XKR4: variants seen among roughly 807,000 people sequenced by gnomAD.
XKR4 encodes the protein XK related 4.
In XKR4, 12 loss-of-function variants were observed where a neutral mutation model predicts 53.9. The observed-to-expected ratio is 0.22, with a 90% CI of 0.14 to 0.36. XKR4 has a LOEUF of 0.36. XKR4 is among the 10% of genes least tolerant of loss of function. The pLI, the probability that XKR4 is intolerant of heterozygous loss-of-function variation, is 1.00. For missense variants in XKR4, 799 were observed against 859.5 expected, an observed-to-expected ratio of 0.93 and a Z score of 0.88; for synonymous variants, 354 against 362.4, an observed-to-expected ratio of 0.98 and a Z score of 0.26.
At chr8:55,143,902 A>T (rs1040847251) in intron 1 of XKR4, among the ~76,000 whole-genome samples, 1 of 152,246 alleles carries the variant, frequency 6.6e-6, no homozygotes, top group Non-Finnish European at 1.5e-5. Flanking sequence ...CTCTACACAC[A>T]GTAATTTTGC....
chr8:55,400,226 A>G (rs1010492138), intron 2 of XKR4, among the ~76,000 whole-genome samples: 1 of 152,222 alleles, frequency 6.6e-6, no homozygotes, highest in African/African-American at 2.4e-5. Flanking sequence ...TGTTAGACCT[A>G]AAATCCTCTA....
In XKR4 at chr8:55,191,310, T is replaced by C. The variant is rs531462972; in HGVS notation, c.806+88016T>C. ...CTTGAAATGCATTCTACAGCAGGGA[T>C]TGCAGAGTGGCCAGCCTTCTCTATG... On this transcript the variant is annotated intron_variant, in intron 1 of 2. Transcript: ENST00000327381. Among the ~76,000 whole-genome samples the C allele has an allele frequency of 7.2e-5, 11 of 152,314 alleles. No homozygotes were observed. In the South Asian group the frequency reaches 2.3e-3, roughly 32 times the overall value.
At chr8:55,308,186 T>G (rs1393807079) in intron 1 of XKR4, among the ~76,000 whole-genome samples, 1 of 151,948 alleles carries the variant, frequency 6.6e-6, no homozygotes, top group African/African-American at 2.4e-5. Context: ...CCGGGAGGCA[T>G]AGGTTGCAGT....
At chr8:55,164,760 A>G (rs1817041676) in intron 1 of XKR4, 1 of 233,666 alleles carries the variant, frequency 4.3e-6, no homozygotes, top group Non-Finnish European at 8.5e-6. Context: ...TTTTATTCTG[A>G]TTCCTTCTAA....
At chr8:55,142,007 G>T (rs1816711655) in intron 1 of XKR4, 1 of 446,830 alleles carries the variant, frequency 2.2e-6, no homozygotes, top group Admixed American at 2.4e-5. Context: ...GCCATCTCTG[G>T]GCTGGCTTAA....
chr8:55,468,004 G>A (rs982328977), intron 2 of XKR4, among the ~76,000 whole-genome samples: 4 of 151,952 alleles, frequency 2.6e-5, no homozygotes, highest in African/African-American at 9.7e-5. Context: ...AACATTTATG[G>A]TTTCTTTTTT....
chr8:55,540,655 G>T lies in XKR4; in HGVS notation c.*16428G>T, dbSNP rs1490059106. The T allele has an allele frequency of 1.3e-5, 2 of 152,152 alleles. No individual in the cohort carries two copies. The highest frequency in any genetic ancestry group is 2.9e-5 in the Non-Finnish European group (2 of 68,024). The allele number at this position is 152,152 out of a possible 1,614,324, so 9.4% of individuals were successfully genotyped here. A position where few individuals can be genotyped will look rare whatever the true frequency, so the allele number is the denominator to read the frequency against. ...CAAAGACAGCAACCAATGAGCCAGA[G>T]GTTTCTTCTCTCTTTGAAACCAAAT... On this transcript the variant is annotated 3_prime_UTR_variant, in exon 3 of 3. Coordinates refer to ENST00000327381, the MANE Select transcript of XKR4 (RefSeq NM_052898.2).
At chr8:55,463,101 A>G (rs566343526) in intron 2 of XKR4, among the ~76,000 whole-genome samples, 2 of 151,530 alleles carry the variant, frequency 1.3e-5, no homozygotes, top group Non-Finnish European at 2.9e-5. Flanking sequence ...CCAGGAATTG[A>G]ACTCAGCTCT....
chr8:55,164,184 G>T (rs1817029464), intron 1 of XKR4: 1 of 456,506 alleles, frequency 2.2e-6, no homozygotes, highest in South Asian at 1.5e-5. Context: ...CAGCACACAG[G>T]TTGCCTCGTC....
chr8:55,417,292 C>T (rs138015117), intron 2 of XKR4, among the ~76,000 whole-genome samples: 103 of 152,314 alleles, frequency 6.8e-4, no homozygotes, highest in African/African-American at 2.4e-3. Context: ...CACCCAGCCA[C>T]GGTTTAGGAG....
At chr8:55,365,707 CAAAAAAAA>C (rs397932881) in intron 2 of XKR4, among the ~76,000 whole-genome samples, 1 of 76,160 alleles carries the variant, frequency 1.3e-5, no homozygotes, top group African/African-American at 4.6e-5. Flanking sequence ...AACTTCGTCT[CAAAAAAAA>C]AAAAAAAAAA....
chr8:55,440,370 A>G (rs80310429), intron 2 of XKR4, among the ~76,000 whole-genome samples: 2,161 of 152,296 alleles, frequency 0.014, 48 homozygotes, highest in African/African-American at 0.05. Flanking sequence ...ACAATTTTAA[A>G]AAGTCTAATT....
intron 1 of XKR4, among the ~76,000 whole-genome samples, chr8:55,147,211 T>C (rs1225228187): frequency 6.6e-6 from 1 of 152,186 alleles, no homozygotes; most frequent in Non-Finnish European, 1.5e-5. Flanking sequence ...TAACATGTGC[T>C]GTGACTCAAA....
chr8:55,401,697 T>G (rs1322284663), intron 2 of XKR4, among the ~76,000 whole-genome samples: 1 of 152,188 alleles, frequency 6.6e-6, no homozygotes, highest in Non-Finnish European at 1.5e-5. Flanking sequence ...AAAGGCCAGG[T>G]CCTTTCCATT....
In XKR4 at chr8:55,104,533, C is replaced by A. The variant is rs560333718; in HGVS notation, c.806+1239C>A. On this transcript the variant is annotated intron_variant, in intron 1 of 2. Coordinates refer to ENST00000327381, the MANE Select transcript of XKR4 (RefSeq NM_052898.2). Reference sequence around the variant, plus strand: ...AGTTAGAGGATTTGTGGACTAGAACCACAAACTTCTTTTTATTTATGATGA... The same window carrying A: ...AGTTAGAGGATTTGTGGACTAGAACAACAAACTTCTTTTTATTTATGATGA... Among the ~76,000 whole-genome samples, 4 of 152,264 alleles carry A rather than the reference C, an allele frequency of 2.6e-5. No homozygotes were observed. The South Asian group carries it at 6.2e-4, about 24-fold the overall frequency.
At position 55,102,420 on chromosome 8, in the gene XKR4, T is replaced by G. The variant is rs1585878135; in HGVS notation, c.-69T>G. The G allele has an allele frequency of 1.4e-6, 2 of 1,460,694 alleles. No individual in the cohort carries two copies. The highest frequency in any genetic ancestry group is 1.5e-5 in the African/African-American group (1 of 66,614). 90.5% of individuals were successfully genotyped at this position (1,460,694 alleles called of 1,614,324 possible). On this transcript the variant is annotated 5_prime_UTR_variant, in exon 1 of 3. Transcript: ENST00000327381. This position sits in a 1 kb window ranked among gnomAD's most constrained non-coding sequence, Gnocchi z 5.1. The stretch of plus-strand genomic sequence containing the variant: ...GGGAAGCCGGGGCGAGGCGAGGAGG[T>G]GGCGGGAGGAGGAGACAGCGGGGAA...
intron 1 of XKR4, among the ~76,000 whole-genome samples, chr8:55,209,152 A>G (rs1817690734): frequency 6.6e-6 from 1 of 151,904 alleles, no homozygotes; most frequent in African/African-American, 2.4e-5. Context: ...CTCTGACCTC[A>G]CTCAATTCCA....
chr8:55,110,399 A>T (rs959275243), intron 1 of XKR4, among the ~76,000 whole-genome samples: 1 of 152,146 alleles, frequency 6.6e-6, no homozygotes, highest in Non-Finnish European at 1.5e-5. Context: ...TGTGGAACTT[A>T]AGGTAAAAGA....
At chr8:55,190,259 G>A (rs1817428342) in intron 1 of XKR4, among the ~76,000 whole-genome samples, 1 of 152,218 alleles carries the variant, frequency 6.6e-6, no homozygotes, top group South Asian at 2.1e-4. Flanking sequence ...GCTTCACCAA[G>A]TAAAATTGTC....
Sources: gnomAD v4.1 joint callset for allele counts (sites outside exome capture counted in the v4.1 genomes callset) on GRCh38, gnomAD v4.1.1 for gene constraint, Gnocchi (gnomAD v3.1) non-coding constraint, MANE v1.5 for transcripts, NCBI Gene and HGNC (gene_info 2026-07-23, HGNC 2026-07-21) for gene names.